PDE1C: variants seen among roughly 807,000 people sequenced by gnomAD.
PDE1C encodes the protein dual specificity calcium/calmodulin-dependent 3',5'-cyclic nucleotide phosphodiesterase 1C.
PDE1C carries 62 observed loss-of-function variants against 93.1 expected under a neutral mutation model. The ratio of observed to expected loss-of-function variants is 0.67; its 90% CI spans 0.54 to 0.82. The LOEUF (loss-of-function observed/expected upper bound fraction) is 0.82. PDE1C is among the 40% of genes least tolerant of loss of function. The pLI, the probability that PDE1C is intolerant of heterozygous loss-of-function variation, is 0.00. For synonymous variants in PDE1C, 325 were observed against 310.1 expected, an observed-to-expected ratio of 1.05 and a Z score of -0.50; for missense variants, 742 against 884.6, an observed-to-expected ratio of 0.84 and a Z score of 2.04.
chr7:31,996,556 C>A (rs1784753038), intron 2 of PDE1C, among the ~76,000 whole-genome samples: 1 of 152,182 alleles, frequency 6.6e-6, no homozygotes, highest in South Asian at 2.1e-4. Flanking sequence ...TCACACAAGA[C>A]AGACACATGG....
chr7:31,947,979 C>T (rs1806840138), intron 2 of PDE1C, among the ~76,000 whole-genome samples: 2 of 152,140 alleles, frequency 1.3e-5, no homozygotes, highest in South Asian at 4.2e-4. Context: ...AAGAGATTTA[C>T]CTCTATTTTT....
intron 2 of PDE1C, among the ~76,000 whole-genome samples, chr7:31,978,334 A>G (rs1811932341): frequency 6.6e-6 from 1 of 152,202 alleles, no homozygotes; most frequent in Non-Finnish European, 1.5e-5. Context: ...TGTACATTTT[A>G]GAAGACTCTT....
At chr7:31,999,012 A>G (rs1785121227) in intron 2 of PDE1C, among the ~76,000 whole-genome samples, 1 of 152,248 alleles carries the variant, frequency 6.6e-6, no homozygotes, top group African/African-American at 2.4e-5. Flanking sequence ...TTTGGGGCTC[A>G]GTAACAGAAG....
chr7:31,646,588 C>T, the PDE1C span, among the ~76,000 whole-genome samples: 1 of 152,148 alleles, frequency 6.6e-6, no homozygotes, highest in Admixed American at 6.5e-5. Context: ...TCTTCTTATT[C>T]CTCCTTCCTA....
At position 32,065,087 on chromosome 7, in the gene PDE1C, G is replaced by A. The variant is rs1795248619; in HGVS notation, c.101+5206C>T. ...GGGAGGAGCCGGGGGCCAGTGAGGG[G>A]GAGGTGGTGAGATTTATCTCCAATA... On this transcript the variant is annotated intron_variant, in intron 1 of 17. Coordinates refer to ENST00000396191, the MANE Select transcript of PDE1C (RefSeq NM_001191057.4). Among the ~76,000 whole-genome samples, 4 of 151,666 alleles carry A rather than the reference G, an allele frequency of 2.6e-5. 1 individual carries two copies. In the South Asian group the frequency reaches 6.3e-4, roughly 24 times the overall value.
intron 1 of PDE1C, among the ~76,000 whole-genome samples, chr7:32,251,538 T>C (rs2128875588): frequency 6.6e-6 from 1 of 152,266 alleles, no homozygotes; most frequent in South Asian, 2.1e-4. Flanking sequence ...CTAGTCCCTG[T>C]TCCAGCCACC....
chr7:31,646,385 C>T, the PDE1C span, among the ~76,000 whole-genome samples: 1 of 152,012 alleles, frequency 6.6e-6, no homozygotes, highest in African/African-American at 2.4e-5. Flanking sequence ...GCCTCCAGCA[C>T]CTGGGAGCAG....
At chr7:32,219,009 G>A (rs1438131423) in intron 1 of PDE1C, among the ~76,000 whole-genome samples, 1 of 152,216 alleles carries the variant, frequency 6.6e-6, no homozygotes, top group Non-Finnish European at 1.5e-5. Flanking sequence ...GAGCTTCCTG[G>A]TACATATCAT....
At chr7:31,880,284 A>G (rs1797081010) in intron 3 of PDE1C, among the ~76,000 whole-genome samples, 1 of 152,332 alleles carries the variant, frequency 6.6e-6, no homozygotes, top group Middle Eastern at 3.4e-3. Flanking sequence ...TAAGTAAATC[A>G]GCGACATACG....
At chr7:31,873,968 G>A (rs1449719339) in intron 5 of PDE1C, among the ~76,000 whole-genome samples, 1 of 152,148 alleles carries the variant, frequency 6.6e-6, no homozygotes, top group East Asian at 1.9e-4. Context: ...AGTTAAGAAT[G>A]TTAACTCATT....
At chr7:32,326,748 T>C (rs1450871) in intron 1 of PDE1C, among the ~76,000 whole-genome samples, 3,779 of 152,244 alleles carry the variant, frequency 0.025, 79 homozygotes, top group African/African-American at 0.054. Flanking sequence ...ATCTGCTGCA[T>C]ACAGATGCAG....
chr7:32,266,238 C>T (rs371091688), intron 1 of PDE1C, among the ~76,000 whole-genome samples: 2 of 151,880 alleles, frequency 1.3e-5, no homozygotes, highest in African/African-American at 2.4e-5. Context: ...GCCGAGATCG[C>T]GCCACTGCAC....
chr7:31,746,893 T>G (rs191157389), downstream of PDE1C, among the ~76,000 whole-genome samples: 20 of 152,278 alleles, frequency 1.3e-4, 1 homozygote, highest in Middle Eastern at 3.4e-3. Context: ...GTGGGGAAGA[T>G]GCATTCAATG....
rs551548153 is a variant in PDE1C, at chr7:32,163,211, T to C, written c.308+6574A>G. Among the ~76,000 whole-genome samples, 19 of 152,262 alleles carry C rather than the reference T, an allele frequency of 1.2e-4. 2 individuals are homozygous for C. The South Asian group carries it at 1.9e-3, about 15-fold the overall frequency. On this transcript the variant is annotated intron_variant, in intron 3 of 18. Transcript: ENST00000396193. ...TGTGACCAGACTTCCTATGAGCTAA[T>C]TGGGAATTTTAACCCATGACTCATC...
At chr7:31,772,354 A>G (rs1293825609) in intron 17 of PDE1C, among the ~76,000 whole-genome samples, 1 of 152,054 alleles carries the variant, frequency 6.6e-6, no homozygotes, top group Non-Finnish European at 1.5e-5. Context: ...TGTCCACCCC[A>G]TGTCCTGTAT....
At chr7:31,825,071 T>G in intron 12 of PDE1C, 84 bp from the exon 13 acceptor site, 1 of 1,556,084 alleles carries the variant, frequency 6.4e-7, no homozygotes, top group Non-Finnish European at 8.8e-7. Context: ...GATCTAGAAG[T>G]TCCAGATCAG....
chr7:31,829,731 G>A (rs974089206), intron 11 of PDE1C, among the ~76,000 whole-genome samples: 2 of 152,098 alleles, frequency 1.3e-5, no homozygotes, highest in African/African-American at 2.4e-5. Flanking sequence ...GGACACAATG[G>A]CTTCTTTATT....
In PDE1C at chr7:31,760,318, A is replaced by G. The variant is rs954497257; in HGVS notation, c.1961-6765T>C. ...AGAAAAATGGAATTAATTTCTTATC[A>G]TATGGTATCACACTATATCAAGTCA... On this transcript the variant is annotated intron_variant, in intron 17 of 17. Coordinates refer to ENST00000396191, the MANE Select transcript of PDE1C (RefSeq NM_001191057.4). 2.0e-5 allele frequency among the ~76,000 whole-genome samples: 3 copies of G among 152,210 alleles called. No individual in the cohort carries two copies. The South Asian group carries it at 6.2e-4, about 32-fold the overall frequency.
intron 1 of PDE1C, among the ~76,000 whole-genome samples, chr7:32,320,416 T>C (rs12531102): frequency 0.077 from 11,730 of 152,202 alleles, 523 homozygotes; most frequent in East Asian, 0.13. Flanking sequence ...CTGGGCTTCA[T>C]ACCTGAATGA....
Sources: gnomAD v4.1 joint callset for allele counts (sites outside exome capture counted in the v4.1 genomes callset) on GRCh38, gnomAD v4.1.1 for gene constraint, MANE v1.5 for transcripts, NCBI Gene and HGNC (gene_info 2026-07-23, HGNC 2026-07-21) for gene names.